VAPA: variants seen among roughly 807,000 people sequenced by gnomAD.
VAPA encodes the protein VAMP associated protein A.
In VAPA, 6 loss-of-function variants were observed where a neutral mutation model predicts 25.6. The observed-to-expected ratio is 0.23, with a 90% CI of 0.13 to 0.46. The LOEUF is 0.46. VAPA is among the 20% of genes least tolerant of loss of function. VAPA has a pLI of 0.99. For synonymous variants in VAPA, 112 were observed against 106.2 expected (o/e 1.05, Z -0.34); for missense variants, 244 against 302.1 (o/e 0.81, Z 1.43).
In VAPA at chr18:9,959,189, C is replaced by G. The variant is rs966186107; in HGVS notation, c.*4978C>G. 6.6e-6 allele frequency: 1 copy of G among 152,190 alleles called. No homozygotes were observed. Among genetic ancestry groups the G allele is most frequent in the Admixed American group, 6.5e-5 (1 of 15,280 alleles). 9.4% of individuals were successfully genotyped at this position (152,190 alleles called of 1,614,324 possible). On this transcript the variant is annotated 3_prime_UTR_variant, in exon 6 of 6. Transcript: ENST00000400000. ...TCCTAGTGATCTACCATATGAAGGA[C>G]ATAGTTTGTGTCCTGGTCCAAGTCA... is the stretch of plus-strand genomic sequence containing the variant.
At position 9,935,003 on chromosome 18, in the gene VAPA, G is replaced by A. The variant is rs1405059845; in HGVS notation, c.233-1107G>A. 4.0e-5 allele frequency among the ~76,000 whole-genome samples: 6 copies of A among 150,886 alleles called. No individual in the cohort carries two copies. The Admixed American group carries it at 4.0e-4, about 10-fold the overall frequency. ...CCAGCTACTCGGGAGGCTGAGGCAG[G>A]AGAATGGCGTGAACCTGGGAGGCAG... On this transcript the variant is annotated intron_variant, in intron 2 of 5. Coordinates refer to ENST00000400000, the MANE Select transcript of VAPA (RefSeq NM_194434.3).
In VAPA at chr18:9,954,271, G is replaced by C. The variant is rs771518473; in HGVS notation, c.*60G>C. 6.2e-5 allele frequency: 91 copies of C among 1,469,468 alleles called. No individual in the cohort carries two copies. The highest frequency in any genetic ancestry group is 2.3e-5 in the Non-Finnish European group (25 of 1,088,536). 91.0% of individuals were successfully genotyped at this position (1,469,468 alleles called of 1,614,324 possible). On this transcript the variant is annotated 3_prime_UTR_variant, in exon 6 of 6. Transcript: ENST00000400000. ...TTTTCTCTTGACCAGAAAAAGATTT[G>C]TTTACCTACCATTTCATTGGTAGTA...
intron 1 of VAPA, among the ~76,000 whole-genome samples, chr18:9,930,799 A>G (rs2069246710): frequency 6.6e-6 from 1 of 151,556 alleles, no homozygotes; most frequent in Non-Finnish European, 1.5e-5. Context: ...ACTCATTTTT[A>G]TCTCCTTCCT....
rs1449407692 is a variant in VAPA at position 9,922,007 on chromosome 18, C to T, written c.79+7672C>T. Among the ~76,000 whole-genome samples the T allele has an allele frequency of 3.3e-5, 5 of 152,046 alleles. No individual in the cohort carries two copies. The South Asian group carries it at 1.0e-3, about 32-fold the overall frequency. ...CATGTTTGTATTTTTTTGCAGCGGT[C>T]TCACTCTGACACCAGACTGAAGTGC... On this transcript the variant is annotated intron_variant, in intron 1 of 5. Transcript: ENST00000400000.
At chr18:9,940,586 A>G (rs1365276395) in intron 4 of VAPA, among the ~76,000 whole-genome samples, 1 of 152,138 alleles carries the variant, frequency 6.6e-6, no homozygotes, top group Non-Finnish European at 1.5e-5. Flanking sequence ...TCTTGGGGTA[A>G]TGATTGCATT....
chr18:9,917,881 T>C (rs1298076581), intron 1 of VAPA, among the ~76,000 whole-genome samples: 1 of 152,226 alleles, frequency 6.6e-6, no homozygotes, highest in African/African-American at 2.4e-5. Context: ...CGGCTCTTCA[T>C]GTTTCCCAGT....
rs995161613 is a variant in VAPA, at chr18:9,936,762, T to A, written c.337-224T>A. The A allele has an allele frequency of 7.9e-5, 36 of 455,876 alleles. No homozygotes were observed. The Admixed American group carries it at 8.4e-4, about 11-fold the overall frequency. 28.2% of individuals were successfully genotyped at this position (455,876 alleles called of 1,614,324 possible). Reference sequence around the variant, plus strand: ...GCTAAGAAGAAAGTCCTATGGTTGCTAGTAATATCATCGTGATTTTAATGG... The same window carrying A: ...GCTAAGAAGAAAGTCCTATGGTTGCAAGTAATATCATCGTGATTTTAATGG... On this transcript the variant is annotated intron_variant, in intron 3 of 5. Transcript: ENST00000400000.
chr18:9,934,045 A>G (rs777952735), intron 2 of VAPA, among the ~76,000 whole-genome samples: 2 of 152,204 alleles, frequency 1.3e-5, no homozygotes, highest in Admixed American at 6.5e-5. Context: ...CCTTCAGACA[A>G]ACTGGTTACT....
chr18:9,935,375 C>G (rs2069298704), intron 2 of VAPA, among the ~76,000 whole-genome samples: 1 of 152,096 alleles, frequency 6.6e-6, no homozygotes, highest in Admixed American at 6.6e-5. Context: ...AATTCTATAC[C>G]AGCCTGGGCA....
chr18:9,955,667 G>A lies in VAPA; in HGVS notation c.*1456G>A, dbSNP rs1775454858. 1 of 152,180 alleles carries A rather than the reference G, an allele frequency of 6.6e-6. No homozygotes were observed. The highest frequency in any genetic ancestry group is 2.1e-4 in the South Asian group (1 of 4,828). 9.4% of individuals were successfully genotyped at this position (152,180 alleles called of 1,614,324 possible). A position where few individuals can be genotyped will look rare whatever the true frequency, so the allele number is the denominator to read the frequency against. On this transcript the variant is annotated 3_prime_UTR_variant, in exon 6 of 6. Transcript: ENST00000400000. Reference sequence around the variant, plus strand: ...AGGTCTGTGTACACATTTTATAGAAGAATGAAGTACTCTGAAGTATTTTGG... The same window carrying A: ...AGGTCTGTGTACACATTTTATAGAAAAATGAAGTACTCTGAAGTATTTTGG...
intron 1 of VAPA, among the ~76,000 whole-genome samples, chr18:9,915,311 TGTA>T (rs965616394): frequency 1.3e-5 from 2 of 152,246 alleles, no homozygotes; most frequent in African/African-American, 4.8e-5. Flanking sequence ...TGTAGGTTTT[TGTA>T]GTACTGCCTG....
At chr18:9,922,249 C>G (rs1409541060) in intron 1 of VAPA, among the ~76,000 whole-genome samples, 1 of 152,166 alleles carries the variant, frequency 6.6e-6, no homozygotes, top group Non-Finnish European at 1.5e-5. Flanking sequence ...GAATTACAGG[C>G]ATGAGCTACC....
chr18:9,950,517 A>G lies in VAPA; in HGVS notation c.540A>G (p.Lys180=). ...TETRKLMEEC[K]RLQGEMMKLS... is the part of the protein sequence containing the mutation. Reference sequence around the variant, plus strand: ...CAAGGAAACTAATGGAAGAGTGTAAAAGACTTCAGGGAGAAATGATGAAGC... The same window carrying G: ...CAAGGAAACTAATGGAAGAGTGTAAGAGACTTCAGGGAGAAATGATGAAGC... Residue 180 remains lysine (K), a synonymous_variant, in exon 5 of 6, where the codon AAA becomes AAG. Coordinates refer to ENST00000400000, the MANE Select transcript of VAPA (RefSeq NM_194434.3). The G allele has an allele frequency of 6.2e-7, 1 of 1,613,824 alleles. No individual in the cohort carries two copies. Among genetic ancestry groups the G allele is most frequent in the Non-Finnish European group, 8.5e-7 (1 of 1,179,950 alleles).
chr18:9,941,090 G>A (rs763209000), intron 4 of VAPA, among the ~76,000 whole-genome samples: 18 of 151,664 alleles, frequency 1.2e-4, no homozygotes, highest in Non-Finnish European at 2.2e-4. Context: ...CTGAGAAAAC[G>A]TAACGGTAAA....
intron 1 of VAPA, among the ~76,000 whole-genome samples, chr18:9,917,789 C>T (rs2069124254): frequency 6.6e-6 from 1 of 151,604 alleles, no homozygotes; most frequent in African/African-American, 2.4e-5. Context: ...AGTGCATCTG[C>T]ATAGAAGCAG....
chr18:9,933,588 A>G lies in VAPA; in HGVS notation c.232+1626A>G, dbSNP rs374729920. On this transcript the variant is annotated intron_variant, in intron 2 of 5. Transcript: ENST00000400000. ...TGTCTTGCTTTGTTGCCCAGGTAGG[A>G]GAGCAGTGGTGTGATCTCAGGTGAC... 2.0e-5 allele frequency among the ~76,000 whole-genome samples: 3 copies of G among 152,264 alleles called. No homozygotes were observed. The East Asian group carries it at 5.8e-4, about 29-fold the overall frequency.
chr18:9,945,066 A>G (rs181790889), intron 4 of VAPA: 183 of 1,613,234 alleles, frequency 1.1e-4, no homozygotes, highest in Non-Finnish European at 4.7e-5. Flanking sequence ...AAGGTTTGTT[A>G]TAGGGAGTTA....
At chr18:9,914,463 C>T in intron 1 of VAPA, 128 bp downstream of exon 1, 5 of 770,362 alleles carry the variant, frequency 6.5e-6, no homozygotes, top group Non-Finnish European at 7.5e-6. Flanking sequence ...GCCCCGGCGC[C>T]TTCCCTTTCC....
rs180790533 is a variant in VAPA, at chr18:9,958,263, A to G, written c.*4052A>G. Reference sequence around the variant, plus strand: ...TAAAAGCATTTTGCTTTGTTTTTATAGTTAACTTTCTTAAGGTTATGGACA... The same window carrying G: ...TAAAAGCATTTTGCTTTGTTTTTATGGTTAACTTTCTTAAGGTTATGGACA... On this transcript the variant is annotated 3_prime_UTR_variant, in exon 6 of 6. Coordinates refer to ENST00000400000, the MANE Select transcript of VAPA (RefSeq NM_194434.3). 76 of 152,348 alleles carry G rather than the reference A, an allele frequency of 5.0e-4. No individual in the cohort carries two copies. The highest frequency in any genetic ancestry group is 1.8e-3 in the African/African-American group (74 of 41,588). 9.4% of individuals were successfully genotyped at this position (152,348 alleles called of 1,614,324 possible). A position where few individuals can be genotyped will look rare whatever the true frequency, so the allele number is the denominator to read the frequency against.
Sources: gnomAD v4.1 joint callset for allele counts (sites outside exome capture counted in the v4.1 genomes callset) on GRCh38, gnomAD v4.1.1 for gene constraint, MANE v1.5 for transcripts, NCBI Gene and HGNC (gene_info 2026-07-23, HGNC 2026-07-21) for gene names.